ZNF597: variants seen among roughly 807,000 people sequenced by gnomAD.
ZNF597 encodes zinc finger protein 597.
In ZNF597, 5 loss-of-function variants were observed where a neutral mutation model predicts 7.3. That is an observed-to-expected ratio of 0.68 (90% confidence interval 0.36 to 1.44). ZNF597 has a LOEUF of 1.44. ZNF597 is among the 40% of genes most tolerant of loss of function. The probability of loss-of-function intolerance (pLI) is 0.04; values close to 1 mark genes in which losing one functional copy is unlikely to be tolerated. For synonymous variants in ZNF597, 209 were observed against 185.4 expected (o/e 1.13, Z -1.04); for missense variants, 585 against 517.9 (o/e 1.13, Z -1.26).
In ZNF597 at chr16:3,436,243, T is replaced by C. The variant is rs1381806099; in HGVS notation, c.*181A>G. 6 of 639,162 alleles carry C rather than the reference T, an allele frequency of 9.4e-6. No individual in the cohort carries two copies. The highest frequency in any genetic ancestry group is 1.8e-5 in the African/African-American group (1 of 54,616). 39.6% of individuals were successfully genotyped at this position (639,162 alleles called of 1,614,324 possible). ...TTCACTAGTTTAGTGACACGGATTTTGCATCCCTACTTATAAAATGGAAAT... is the reference window on the plus strand; with the variant it reads ...TTCACTAGTTTAGTGACACGGATTTCGCATCCCTACTTATAAAATGGAAAT... On this transcript the variant is annotated 3_prime_UTR_variant, in exon 4 of 4. Transcript: ENST00000301744.
rs2034297560 is a variant in ZNF597 at position 3,436,102 on chromosome 16, A to C, written c.*322T>G. ...TAAAAGTCAGAAACTACGTAAACAAAATTAAAATAACTTTAGCAAGAGCCT... is the reference window on the plus strand; with the variant it reads ...TAAAAGTCAGAAACTACGTAAACAACATTAAAATAACTTTAGCAAGAGCCT... On this transcript the variant is annotated 3_prime_UTR_variant, in exon 4 of 4. Transcript: ENST00000301744. 3 of 256,896 alleles carry C rather than the reference A, an allele frequency of 1.2e-5. No homozygotes were observed. Among genetic ancestry groups the C allele is most frequent in the Non-Finnish European group, 2.2e-5 (3 of 135,556 alleles). The allele number at this position is 256,896 out of a possible 1,614,324, so 15.9% of individuals were successfully genotyped here.
rs1235512704 is a variant in ZNF597, at chr16:3,437,031, T to C, written c.668A>G (p.Gln223Arg). ...KCAKCSASFR[Q>R]HSHLSRHMNS... Reference sequence around the variant, plus strand: ...CATGTGTCGGGATAGATGAGAGTGCTGGCGAAAGCTGGCACTGCACTTGGC... The same window carrying C: ...CATGTGTCGGGATAGATGAGAGTGCCGGCGAAAGCTGGCACTGCACTTGGC... Residue 223 changes from glutamine to arginine, a missense_variant, in exon 4 of 4, where the codon CAG becomes CGG. Transcript: ENST00000301744. 6.2e-7 allele frequency: 1 copy of C among 1,614,230 alleles called. No homozygotes were observed. Among genetic ancestry groups the C allele is most frequent in the Non-Finnish European group, 8.5e-7 (1 of 1,180,040 alleles).
Position 3,437,032 on chromosome 16 carries a change from G to A in ZNF597, c.667C>T (p.Gln223Ter). 1.2e-6 allele frequency: 2 copies of A among 1,614,138 alleles called. No individual in the cohort carries two copies. The highest frequency in any genetic ancestry group is 1.7e-6 in the Non-Finnish European group (2 of 1,180,018). The change falls in exon 4 of 4, where the codon CAG becomes TAG. Residue 223 changes from glutamine (Q) to a stop codon, truncating the protein, a stop_gained. Transcript: ENST00000301744. LOFTEE classifies it low-confidence loss of function (END_TRUNC). ...KCAKCSASFR[Q>*]HSHLSRHMNS... is the part of the protein sequence containing the mutation. ...ATGTGTCGGGATAGATGAGAGTGCT[G>A]GCGAAAGCTGGCACTGCACTTGGCA...
At chr16:3,438,788 A>C (rs1193712157) in intron 3 of ZNF597, among the ~76,000 whole-genome samples, 1 of 152,168 alleles carries the variant, frequency 6.6e-6, no homozygotes. Flanking sequence ...ATGGCTGACA[A>C]AACTAACATT....
Position 3,441,245 on chromosome 16 carries a change from C to G in ZNF597, c.34-312G>C, listed in dbSNP as rs117180231. 4.2e-3 allele frequency among the ~76,000 whole-genome samples: 638 copies of G among 152,204 alleles called. 4 individuals are homozygous for G. The highest frequency in any genetic ancestry group is 0.027 in the Middle Eastern group (8 of 294). Reference sequence around the variant, plus strand: ...GAGGCAACCATTAAGTGAGGATGCTCTAAGAAAAGGAGAGGTTTGGGGCCG... The same window carrying G: ...GAGGCAACCATTAAGTGAGGATGCTGTAAGAAAAGGAGAGGTTTGGGGCCG... On this transcript the variant is annotated intron_variant, in intron 2 of 3. Transcript: ENST00000301744.
chr16:3,441,046 T>C, intron 2 of ZNF597, 113 bp from the exon 3 acceptor site: 2 of 1,462,250 alleles, frequency 1.4e-6, no homozygotes, highest in Non-Finnish European at 1.8e-6. Flanking sequence ...AAAGGCTCGG[T>C]GTAAAAGGTT....
chr16:3,436,877 A>G lies in ZNF597; in HGVS notation c.822T>C (p.Asp274=), dbSNP rs759478571. 41 of 1,614,050 alleles carry G rather than the reference A, an allele frequency of 2.5e-5. No individual in the cohort carries two copies. In the Admixed American group the frequency reaches 5.7e-4, roughly 22 times the overall value. The part of the protein sequence containing the change: ...AENTYESTNC[D]KHFNEKPNLA... ...GATTTGGTTTCTCATTAAAATGTTT[A>G]TCACAGTTAGTAGATTCGTAGGTGT... The change falls in exon 4 of 4, where the codon GAT becomes GAC. Residue 274 remains aspartate, a synonymous_variant. Coordinates refer to ENST00000301744, the MANE Select transcript of ZNF597 (RefSeq NM_152457.3).
At chr16:3,441,019 A>G (rs2034362672) in intron 2 of ZNF597, 86 bp from the exon 3 acceptor site, 1 of 1,531,632 alleles carries the variant, frequency 6.5e-7, no homozygotes, top group Admixed American at 2.1e-5. Flanking sequence ...AGCTAGAAAC[A>G]TCAGATGCAC....
Position 3,437,253 on chromosome 16 carries a change from C to G in ZNF597, c.446G>C (p.Trp149Ser), listed in dbSNP as rs2034314548. 6.2e-7 allele frequency: 1 copy of G among 1,614,086 alleles called. No individual in the cohort carries two copies. Among genetic ancestry groups the G allele is most frequent in the South Asian group, 1.1e-5 (1 of 91,096 alleles). ...TTTGTACACATTTTTGGCTCCTTCC[C>G]AGGGAGAATCAAGAATTTCAGAAAG... is the stretch of plus-strand genomic sequence containing the variant. ...NTLSEILDSP[W>S]EGAKNVYKCP... The change falls in exon 4 of 4, where the codon TGG (tryptophan) becomes TCG (serine). Residue 149 changes from tryptophan to serine, a missense_variant. Transcript: ENST00000301744.
chr16:3,439,016 T>G (rs912576742), intron 3 of ZNF597, among the ~76,000 whole-genome samples: 2 of 152,086 alleles, frequency 1.3e-5, no homozygotes, highest in Admixed American at 6.6e-5. Flanking sequence ...AGCTAGAATT[T>G]GAAAGCAAAA....
Position 3,443,205 on chromosome 16 carries a change from A to C in ZNF597, c.-52T>G. 1 of 1,583,576 alleles carries C rather than the reference A, an allele frequency of 6.3e-7. No individual in the cohort carries two copies. The highest frequency in any genetic ancestry group is 8.6e-7 in the Non-Finnish European group (1 of 1,159,670). On this transcript the variant is annotated splice_region_variant and 5_prime_UTR_variant, in exon 2 of 4. Transcript: ENST00000301744. ...AGACGCCACAGGGACTTCGTGACAA[A>C]GCTGCGGGGGGAGAGAACAGTTCTT...
Position 3,435,791 on chromosome 16 carries a change from C to A in ZNF597, c.*633G>T, listed in dbSNP as rs1278697917. ...TTAGACTTCCAAAACTCCTTGCAAA[C>A]AATTGGGTCCTAAATGCCAGTATGT... is the stretch of plus-strand genomic sequence containing the variant. On this transcript the variant is annotated 3_prime_UTR_variant, in exon 4 of 4. Coordinates refer to ENST00000301744, the MANE Select transcript of ZNF597 (RefSeq NM_152457.3). 6.6e-6 allele frequency: 1 copy of A among 152,182 alleles called. No homozygotes were observed. Among genetic ancestry groups the A allele is most frequent in the Non-Finnish European group, 1.5e-5 (1 of 68,038 alleles). 9.4% of individuals were successfully genotyped at this position (152,182 alleles called of 1,614,324 possible).
Position 3,436,584 on chromosome 16 carries a change from T to G in ZNF597, c.1115A>C (p.Lys372Thr). Residue 372 changes from lysine to threonine, a missense_variant, in exon 4 of 4, where the codon AAA (lysine) becomes ACA (threonine). By Grantham distance (78) the Lys-to-Thr change is moderately conservative. Coordinates refer to ENST00000301744, the MANE Select transcript of ZNF597 (RefSeq NM_152457.3). ...IHTEERPHKC[K>T]TCEESFALDS... ...CAAAGCAAAACTTTCCTCGCATGTT[T>G]TGCACTTATGGGGCCTTTCCTCTGT... 1.2e-6 allele frequency: 2 copies of G among 1,610,302 alleles called. No individual in the cohort carries two copies. The highest frequency in any genetic ancestry group is 1.7e-6 in the Non-Finnish European group (2 of 1,177,934).
In ZNF597 at chr16:3,437,279, T is replaced by C; in HGVS notation, c.420A>G (p.Thr140=). Reference sequence around the variant, plus strand: ...AGGGAGAATCAAGAATTTCAGAAAGTGTGTTGGTTCCTAAATATTCAGAGA... The same window carrying C: ...AGGGAGAATCAAGAATTTCAGAAAGCGTGTTGGTTCCTAAATATTCAGAGA... ...VELSEYLGTN[T]LSEILDSPWE... The change falls in exon 4 of 4, where the codon ACA becomes ACG. Residue 140 remains threonine (T), a synonymous_variant. Transcript: ENST00000301744. The C allele has an allele frequency of 1.9e-6, 3 of 1,614,198 alleles. No individual in the cohort carries two copies. The highest frequency in any genetic ancestry group is 2.5e-6 in the Non-Finnish European group (3 of 1,180,046).
At position 3,435,038 on chromosome 16, in the gene ZNF597, C is replaced by T. The variant is rs141437194; in HGVS notation, c.*1386G>A. The T allele has an allele frequency of 1.1e-3, 166 of 152,234 alleles. 1 individual carries two copies. The highest frequency in any genetic ancestry group is 3.7e-3 in the African/African-American group (155 of 41,528). The allele number at this position is 152,234 out of a possible 1,614,324, so 9.4% of individuals were successfully genotyped here. On this transcript the variant is annotated 3_prime_UTR_variant, in exon 4 of 4. Coordinates refer to ENST00000301744, the MANE Select transcript of ZNF597 (RefSeq NM_152457.3). ...CAGTATTTATCTATAATAGCAATATCTAAAGATCTATATATTATCAAGTAT... is the reference window on the plus strand; with the variant it reads ...CAGTATTTATCTATAATAGCAATATTTAAAGATCTATATATTATCAAGTAT...
In ZNF597 at chr16:3,443,050, C is replaced by T. The variant is rs2034415131; in HGVS notation, c.33+71G>A. The T allele has an allele frequency of 1.3e-5, 21 of 1,590,758 alleles. No individual in the cohort carries two copies. The South Asian group carries it at 2.2e-4, about 17-fold the overall frequency. On this transcript the variant is annotated intron_variant, in intron 2 of 3. Coordinates refer to ENST00000301744, the MANE Select transcript of ZNF597 (RefSeq NM_152457.3). ...ACCACAACAGGCATGCCCAACTCTC[C>T]TCCAAAGGAGGGGGTCAGGCAGAGA...
chr16:3,436,114 T>G lies in ZNF597; in HGVS notation c.*310A>C, dbSNP rs940641457. ...ACTACGTAAACAAAATTAAAATAAC[T>G]TTAGCAAGAGCCTTCATTTTAATGA... On this transcript the variant is annotated 3_prime_UTR_variant, in exon 4 of 4. Coordinates refer to ENST00000301744, the MANE Select transcript of ZNF597 (RefSeq NM_152457.3). The G allele has an allele frequency of 3.6e-6, 1 of 278,580 alleles. No individual in the cohort carries two copies. Among genetic ancestry groups the G allele is most frequent in the African/African-American group, 2.2e-5 (1 of 45,390 alleles). The allele number at this position is 278,580 out of a possible 1,614,324, so 17.3% of individuals were successfully genotyped here.
chr16:3,441,347 C>T (rs936399588), intron 2 of ZNF597, among the ~76,000 whole-genome samples: 17 of 151,728 alleles, frequency 1.1e-4, no homozygotes, highest in Non-Finnish European at 2.2e-4. Context: ...GTCAGGTGTT[C>T]GAGACCAGCC....
intron 2 of ZNF597, among the ~76,000 whole-genome samples, chr16:3,441,687 A>G (rs1212898898): frequency 6.6e-6 from 1 of 152,176 alleles, no homozygotes; most frequent in Non-Finnish European, 1.5e-5. Flanking sequence ...ACTCCGTCTC[A>G]AGCAGAGCTT....
Sources: allele counts gnomAD v4.1 joint callset (sites outside exome capture counted in the v4.1 genomes callset), GRCh38; gene constraint gnomAD v4.1.1; transcripts MANE v1.5; gene names NCBI Gene and HGNC (gene_info 2026-07-23, HGNC 2026-07-21).